Variants in HPX observed in about 807,000 individuals in gnomAD.
HPX encodes beta-1B-glycoprotein.
HPX carries 42 observed loss-of-function variants against 53.8 expected under a neutral mutation model. The observed-to-expected ratio is 0.78, with a 90% confidence interval of 0.61 to 1.01. The LOEUF is 1.01. HPX is among the 50% of genes least tolerant of loss of function. The pLI is 0.00. For missense variants in HPX, 547 were observed against 594.3 expected, an observed-to-expected ratio of 0.92 and a Z score of 0.83; for synonymous variants, 229 against 221.1, an observed-to-expected ratio of 1.04 and a Z score of -0.32.
chr11:6,440,106 G>A, intron 4 of HPX, 59 bp downstream of exon 4: 1 of 1,610,148 alleles, frequency 6.2e-7, no homozygotes, highest in Non-Finnish European at 8.5e-7. Context: ...TTGGGGGAAG[G>A]GTCCCCAGTG....
rs552594831 is a variant in HPX, at chr11:6,431,970, A to G, written c.883T>C (p.Trp295Arg). 5.6e-6 allele frequency: 9 copies of G among 1,614,224 alleles called. No homozygotes were observed. Among genetic ancestry groups the G allele is most frequent in the South Asian group, 5.5e-5 (5 of 91,086 alleles). ...LDTSRDGWHS[W>R]PIAHQWPQGP... ...TGGGGCCACTGATGAGCAATGGGCC[A>G]GCTATGCCAGCCATCCCGGCTGGTG... The change falls in exon 8 of 10, where the codon TGG (tryptophan) becomes CGG (arginine). Residue 295 changes from tryptophan (W) to arginine (R), a missense_variant. By Grantham distance (101) the Trp-to-Arg change is moderately radical. Coordinates refer to ENST00000265983, the MANE Select transcript of HPX (RefSeq NM_000613.3).
intron 7 of HPX, among the ~76,000 whole-genome samples, chr11:6,434,197 C>T (rs1849387280): frequency 1.3e-5 from 2 of 152,124 alleles, no homozygotes; most frequent in African/African-American, 4.8e-5. Context: ...TGAGTAAATA[C>T]CTAGTGTTCT....
In HPX at chr11:6,434,246, G is replaced by C. The variant is rs112750688; in HGVS notation, c.836-2229C>G. On this transcript the variant is annotated intron_variant, in intron 7 of 9. Coordinates refer to ENST00000265983, the MANE Select transcript of HPX (RefSeq NM_000613.3). ...AGTTCTCTTATTAGCCGTGTACTGA[G>C]TATACAGCGGTGACTGACATATCCA... 7.3e-3 allele frequency among the ~76,000 whole-genome samples: 1,112 copies of C among 152,270 alleles called. 11 individuals carry two copies. The highest frequency in any genetic ancestry group is 0.026 in the African/African-American group (1,066 of 41,532).
rs1355209734 is a variant in HPX at position 6,437,258 on chromosome 11, G to A, written c.704-81C>T. ...GTCCAAGGTGGAAGAGATGGCTGGG[G>A]TTAGTGGGGTGTGGGTTTCCCCATA... On this transcript the variant is annotated intron_variant, in intron 6 of 9. Transcript: ENST00000265983. 33 of 1,514,598 alleles carry A rather than the reference G, an allele frequency of 2.2e-5. No homozygotes were observed. The Middle Eastern group carries it at 8.8e-4, about 40-fold the overall frequency. The allele number at this position is 1,514,598 out of a possible 1,614,324, so 93.8% of individuals were successfully genotyped here.
Position 6,431,214 on chromosome 11 carries a change from G to A in HPX, c.1386C>T (p.His462=). The A allele has an allele frequency of 6.2e-7, 1 of 1,614,206 alleles. No individual in the cohort carries two copies. The highest frequency in any genetic ancestry group is 8.5e-7 in the Non-Finnish European group (1 of 1,180,008). Residue 462 remains histidine (H), a synonymous_variant, in exon 10 of 10, where the codon CAC becomes CAT. Coordinates refer to ENST00000265983, the MANE Select transcript of HPX (RefSeq NM_000613.3). ...CAGACTCATGTCAGAAGGCCCCTCAGTGAGTGCAGCCCAGGAGACTGGTCA... is the reference window on the plus strand; with the variant it reads ...CAGACTCATGTCAGAAGGCCCCTCAATGAGTGCAGCCCAGGAGACTGGTCA... ...QNVTSLLGCT[H]
intron 5 of HPX, 180 bp downstream of exon 5, chr11:6,438,176 G>A (rs1849440584): frequency 1.5e-6 from 1 of 668,214 alleles, no homozygotes; most frequent in Admixed American, 2.5e-5. Context: ...GCCTTCACCA[G>A]AATGACTTCC....
intron 7 of HPX, among the ~76,000 whole-genome samples, chr11:6,433,152 T>C (rs1172412287): frequency 6.6e-6 from 1 of 152,218 alleles, no homozygotes; most frequent in African/African-American, 2.4e-5. Context: ...CTCTTTTCCC[T>C]TCCCTACTCT....
chr11:6,440,567 T>TAAAAAAAAAAAAAAAAAAAAAAAAAAAA, intron 2 of HPX, 29 bp from the exon 3 acceptor site: 7 of 588,998 alleles, frequency 1.2e-5, no homozygotes, highest in East Asian at 3.8e-5. Flanking sequence ...GATGGCAAAG[T>TAAAAAAAAAAAAAAAAAAAAAAAAAAAA]AAAAAAAAAA....
chr11:6,433,688 A>G (rs1358376894), intron 7 of HPX, among the ~76,000 whole-genome samples: 1 of 152,210 alleles, frequency 6.6e-6, no homozygotes, highest in Non-Finnish European at 1.5e-5. Flanking sequence ...ATAAAAAATG[A>G]GTTAGAATAT....
rs1484502873 is a variant in HPX, at chr11:6,432,120, T to A, written c.836-103A>T. ...TGAGTCATGAGAGGGAGAGAATGCA[T>A]CCAGAGGCCAAGATGGAAGAGGCCA... On this transcript the variant is annotated intron_variant, in intron 7 of 9. Coordinates refer to ENST00000265983, the MANE Select transcript of HPX (RefSeq NM_000613.3). The A allele has an allele frequency of 5.3e-6, 7 of 1,327,454 alleles. No individual in the cohort carries two copies. The African/African-American group carries it at 5.8e-5, about 11-fold the overall frequency. 82.2% of individuals were successfully genotyped at this position (1,327,454 alleles called of 1,614,324 possible).
chr11:6,440,451 C>A lies in HPX; in HGVS notation c.214+16G>T. On this transcript the variant is annotated intron_variant, in intron 3 of 9. Coordinates refer to ENST00000265983, the MANE Select transcript of HPX (RefSeq NM_000613.3). Reference sequence around the variant, plus strand: ...AAGTCTAAGGTCCTAAACGCCCTAACCTCAGTCCCTCCTACCTTTAAAAAA... The same window carrying A: ...AAGTCTAAGGTCCTAAACGCCCTAAACTCAGTCCCTCCTACCTTTAAAAAA... 1.2e-6 allele frequency: 2 copies of A among 1,607,542 alleles called. No individual in the cohort carries two copies. Among genetic ancestry groups the A allele is most frequent in the South Asian group, 1.1e-5 (1 of 90,418 alleles).
rs1003528295 is a variant in HPX at position 6,438,167 on chromosome 11, C to T, written c.490+189G>A. The T allele has an allele frequency of 1.1e-5, 7 of 646,624 alleles. No individual in the cohort carries two copies. The South Asian group carries it at 1.1e-4, about 10-fold the overall frequency. The allele number at this position is 646,624 out of a possible 1,614,324, so 40.1% of individuals were successfully genotyped here. ...ATTCACACAGAATTACACACAGTTGCCTTCACCAGAATGACTTCCTCTCCT... is the reference window on the plus strand; with the variant it reads ...ATTCACACAGAATTACACACAGTTGTCTTCACCAGAATGACTTCCTCTCCT... On this transcript the variant is annotated intron_variant, in intron 5 of 9. Transcript: ENST00000265983.
At position 6,431,748 on chromosome 11, in the gene HPX, T is replaced by C. The variant is rs1344100220; in HGVS notation, c.1022A>G (p.Tyr341Cys). 6.2e-7 allele frequency: 1 copy of C among 1,614,220 alleles called. No individual in the cohort carries two copies. Among genetic ancestry groups the C allele is most frequent in the Admixed American group, 1.7e-5 (1 of 60,036 alleles). The change falls in exon 9 of 10, where the codon TAT becomes TGT. Residue 341 changes from tyrosine (Y) to cysteine (C), a missense_variant. Transcript: ENST00000265983. Reference protein sequence around the residue: ...TKGGYTLVSGYPKRLEKEVGT... With the variant: ...TKGGYTLVSGCPKRLEKEVGT... Reference sequence around the variant, plus strand: ...GACTTCCTTCTCCAGCCGCTTCGGATAACCGCTTACTAGGGTATAGCCTCC... The same window carrying C: ...GACTTCCTTCTCCAGCCGCTTCGGACAACCGCTTACTAGGGTATAGCCTCC...
chr11:6,440,939 C>T lies in HPX; in HGVS notation c.25G>A (p.Val9Ile), dbSNP rs538048682. Residue 9 changes from valine (V) to isoleucine (I), a missense_variant, in exon 1 of 10, where the codon GTT (valine) becomes ATT (isoleucine). Val to Ile is a conservative substitution (Grantham distance 29). Transcript: ENST00000265983. ...CATAGGCTCCACAACCCCAGTGCAA[C>T]GGGTGCTCCCAGTACCCTAGCCATG... is the stretch of plus-strand genomic sequence containing the variant. MARVLGAPVALGLWSLCWS... is the reference protein window; with the variant it reads MARVLGAPIALGLWSLCWS... The T allele has an allele frequency of 6.1e-5, 98 of 1,609,218 alleles. No homozygotes were observed. The South Asian group carries it at 7.5e-4, about 12-fold the overall frequency.
intron 5 of HPX, chr11:6,437,970 GC>G (rs1849438240): frequency 1.9e-6 from 1 of 527,434 alleles, no homozygotes; most frequent in Non-Finnish European, 3.4e-6. Flanking sequence ...AAAGCATGGA[GC>G]AAACTGAGTG....
At position 6,431,101 on chromosome 11, in the gene HPX, C is replaced by T. The variant is rs867762571; in HGVS notation, c.*110G>A. On this transcript the variant is annotated 3_prime_UTR_variant, in exon 10 of 10. Coordinates refer to ENST00000265983, the MANE Select transcript of HPX (RefSeq NM_000613.3). ...TTATGAGAAACTGGGGAGGTGGGGC[C>T]AGGCCAGACTCATGTCAGAAGGCCC... 2 of 1,439,314 alleles carry T rather than the reference C, an allele frequency of 1.4e-6. No homozygotes were observed. The highest frequency in any genetic ancestry group is 1.9e-6 in the Non-Finnish European group (2 of 1,068,834). 89.2% of individuals were successfully genotyped at this position (1,439,314 alleles called of 1,614,324 possible).
chr11:6,436,806 G>C (rs758318105), intron 7 of HPX, among the ~76,000 whole-genome samples: 22 of 152,194 alleles, frequency 1.4e-4, no homozygotes, highest in Admixed American at 3.3e-4. Flanking sequence ...AGGTCCACAG[G>C]GGGCACAGCC....
At chr11:6,434,617 C>T (rs1475756405) in intron 7 of HPX, among the ~76,000 whole-genome samples, 1 of 152,204 alleles carries the variant, frequency 6.6e-6, no homozygotes, top group Non-Finnish European at 1.5e-5. Flanking sequence ...AGGCATGAGC[C>T]ACCACACCTG....
At position 6,440,715 on chromosome 11, in the gene HPX, C is replaced by G. The variant is rs1237035724; in HGVS notation, c.99G>C (p.Gly33=). ...ATPLPPTSAH[G]NVAEGETKPD... ...GCTTGGTCTCGCCTTCAGCAACATT[C>G]CCATGGGCACTAGTCCTAGGGAGAA... Residue 33 remains glycine, a synonymous_variant, in exon 2 of 10, where the codon GGG becomes GGC. Transcript: ENST00000265983. 3 of 1,613,748 alleles carry G rather than the reference C, an allele frequency of 1.9e-6. No individual in the cohort carries two copies. Among genetic ancestry groups the G allele is most frequent in the Non-Finnish European group, 2.5e-6 (3 of 1,179,886 alleles).
Sources: allele counts gnomAD v4.1 joint callset (sites outside exome capture counted in the v4.1 genomes callset), GRCh38; gene constraint gnomAD v4.1.1; transcripts MANE v1.5; gene names NCBI Gene and HGNC (gene_info 2026-07-23, HGNC 2026-07-21).